TRIM37: variants seen among roughly 807,000 people sequenced by gnomAD.
TRIM37 encodes the protein E3 ubiquitin-protein ligase TRIM37.
Under a neutral mutation model 129.8 loss-of-function variants are expected in TRIM37, and 80 were observed. The observed-to-expected ratio is 0.62, with a 90% CI of 0.51 to 0.74. The LOEUF (loss-of-function observed/expected upper bound fraction) is 0.74. Ranked by LOEUF, TRIM37 falls within the 30% of genes least tolerant of loss-of-function variation. The probability of loss-of-function intolerance (pLI) is 0.00; values close to 1 mark genes in which losing one functional copy is unlikely to be tolerated. For synonymous variants in TRIM37, 389 were observed against 387.1 expected, an observed-to-expected ratio of 1.00 and a Z score of -0.06; for missense variants, 1,054 against 1,176.5, an observed-to-expected ratio of 0.90 and a Z score of 1.52.
intron 8 of TRIM37, among the ~76,000 whole-genome samples, chr17:59,074,848 C>T (rs1226137314): frequency 3.3e-5 from 5 of 152,166 alleles, no homozygotes; most frequent in Admixed American, 2.6e-4. Context: ...TATTCACCCA[C>T]CCTAATCTAA....
At chr17:59,091,212 C>A in intron 3 of TRIM37, 88 bp downstream of exon 3, 1 of 907,404 alleles carries the variant, frequency 1.1e-6, no homozygotes, top group South Asian at 1.5e-5. Flanking sequence ...AATGGGCAGA[C>A]TGCAGGAAAA....
intron 11 of TRIM37, among the ~76,000 whole-genome samples, chr17:59,061,631 C>A (rs997422443): frequency 1.3e-5 from 2 of 151,664 alleles, no homozygotes; most frequent in Non-Finnish European, 2.9e-5. Flanking sequence ...GATAATTACT[C>A]CCTCCCTTTT....
chr17:59,050,561 A>T (rs1420756906), intron 14 of TRIM37, among the ~76,000 whole-genome samples: 1 of 152,148 alleles, frequency 6.6e-6, no homozygotes, highest in Non-Finnish European at 1.5e-5. Context: ...ACATGCTCGT[A>T]GTCCCAGCTA....
At position 59,050,318 on chromosome 17, in the gene TRIM37, G is replaced by A. The variant is rs75432617; in HGVS notation, c.1314+896C>T. On this transcript the variant is annotated intron_variant, in intron 14 of 23. Coordinates refer to ENST00000262294, the MANE Select transcript of TRIM37 (RefSeq NM_015294.6). Reference sequence around the variant, plus strand: ...AACAACTTTATGCAATGATGGAAATGCTCTAGATTTGCAGTAACCAATGCA... The same window carrying A: ...AACAACTTTATGCAATGATGGAAATACTCTAGATTTGCAGTAACCAATGCA... Among the ~76,000 whole-genome samples, 12 of 152,346 alleles carry A rather than the reference G, an allele frequency of 7.9e-5. No homozygotes were observed. The East Asian group carries it at 2.3e-3, about 29-fold the overall frequency.
the TRIM37 span, among the ~76,000 whole-genome samples, chr17:58,974,317 T>G: frequency 6.6e-6 from 1 of 152,208 alleles, no homozygotes; most frequent in Non-Finnish European, 1.5e-5. Context: ...GCATTGTGCT[T>G]TTTATATGAA....
At chr17:59,041,016 G>A (rs995579107) in intron 17 of TRIM37, among the ~76,000 whole-genome samples, 1 of 151,642 alleles carries the variant, frequency 6.6e-6, no homozygotes, top group Admixed American at 6.6e-5. Context: ...ACTGCAGTCC[G>A]CAGTCCGACC....
chr17:59,023,678 A>C (rs1347313968), intron 19 of TRIM37, among the ~76,000 whole-genome samples: 3 of 152,020 alleles, frequency 2.0e-5, no homozygotes, highest in African/African-American at 7.2e-5. Context: ...ACAAAAACAA[A>C]AAAGTACCTA....
At position 59,106,659 on chromosome 17, in the gene TRIM37, G is replaced by A; in HGVS notation, c.-198C>T. 4.6e-6 allele frequency: 3 copies of A among 649,494 alleles called. No individual in the cohort carries two copies. The highest frequency in any genetic ancestry group is 2.8e-5 in the East Asian group (1 of 36,264). The allele number at this position is 649,494 out of a possible 1,614,324, so 40.2% of individuals were successfully genotyped here. On this transcript the variant is annotated 5_prime_UTR_variant, in exon 1 of 24. Transcript: ENST00000262294. ...CTACCCCCATTTCGCCATTTTTACCGGCGCGCCCGCCCCGAGGCGCAGAAG... is the reference window on the plus strand; with the variant it reads ...CTACCCCCATTTCGCCATTTTTACCAGCGCGCCCGCCCCGAGGCGCAGAAG...
intron 13 of TRIM37, among the ~76,000 whole-genome samples, 160 bp from the exon 14 acceptor site, chr17:59,051,488 T>G (rs545780350): frequency 6.6e-6 from 1 of 152,226 alleles, no homozygotes; most frequent in East Asian, 1.9e-4. Context: ...GTCCACAGAT[T>G]ATGACACAAG....
chr17:59,016,659 T>G (rs2035986028), intron 20 of TRIM37, among the ~76,000 whole-genome samples: 1 of 144,612 alleles, frequency 6.9e-6, no homozygotes, highest in Non-Finnish European at 1.5e-5. Flanking sequence ...TGTCTGTGTC[T>G]GTGGTCCCAG....
At chr17:59,095,030 AC>A (rs1208699272) in intron 2 of TRIM37, among the ~76,000 whole-genome samples, 1 of 152,146 alleles carries the variant, frequency 6.6e-6, no homozygotes, top group Non-Finnish European at 1.5e-5. Context: ...AGCCTGGGTC[AC>A]ATAGCAAGAT....
intron 21 of TRIM37, among the ~76,000 whole-genome samples, chr17:59,014,235 C>T (rs528043585): frequency 4.6e-5 from 7 of 152,230 alleles, no homozygotes; most frequent in African/African-American, 1.7e-4. Flanking sequence ...TGAGCCAGAC[C>T]TTGACTATAT....
intron 20 of TRIM37, among the ~76,000 whole-genome samples, chr17:59,016,690 G>A (rs1201596620): frequency 6.7e-6 from 1 of 150,312 alleles, no homozygotes; most frequent in Non-Finnish European, 1.5e-5. Context: ...GGCTGAGGTG[G>A]AAGGATCACT....
intron 23 of TRIM37, among the ~76,000 whole-genome samples, chr17:59,000,073 G>A (rs1381110607): frequency 6.6e-6 from 1 of 152,194 alleles, no homozygotes. Context: ...GCAGAGGAAT[G>A]TTCAGATTGA....
intron 22 of TRIM37, among the ~76,000 whole-genome samples, chr17:59,004,399 G>A (rs948724477): frequency 2.6e-5 from 4 of 151,746 alleles, no homozygotes; most frequent in Admixed American, 6.6e-5. Context: ...ACTACTTTAA[G>A]AAACTAGAAA....
the TRIM37 span, among the ~76,000 whole-genome samples, chr17:58,967,766 T>A: frequency 5.9e-5 from 9 of 151,928 alleles, no homozygotes; most frequent in African/African-American, 2.2e-4. Flanking sequence ...ACTGCTTTAG[T>A]AGGGATAGAA....
chr17:59,013,439 G>T (rs1346402235), intron 21 of TRIM37, among the ~76,000 whole-genome samples: 2 of 152,142 alleles, frequency 1.3e-5, no homozygotes, highest in Non-Finnish European at 2.9e-5. Context: ...GAGCCACCGT[G>T]CCTGGCCTGA....
chr17:59,095,273 G>A (rs1475311665), intron 2 of TRIM37, among the ~76,000 whole-genome samples: 1 of 151,990 alleles, frequency 6.6e-6, no homozygotes, highest in African/African-American at 2.4e-5. Flanking sequence ...TAGCTATTAT[G>A]GCAAAGATAC....
chr17:59,067,131 T>G (rs1462158100), intron 9 of TRIM37, among the ~76,000 whole-genome samples: 1 of 152,206 alleles, frequency 6.6e-6, no homozygotes, highest in African/African-American at 2.4e-5. Context: ...TTGCATTCTT[T>G]ATATGTATAT....
Sources: gnomAD v4.1 joint callset for allele counts (sites outside exome capture counted in the v4.1 genomes callset) on GRCh38, gnomAD v4.1.1 for gene constraint, MANE v1.5 for transcripts, NCBI Gene and HGNC (gene_info 2026-07-23, HGNC 2026-07-21) for gene names.